Variants in MYO7A observed in about 807,000 individuals in gnomAD.
The protein encoded by MYO7A is unconventional myosin-VIIa.
MYO7A carries 210 observed loss-of-function variants against 263.8 expected under a neutral mutation model. That is an observed-to-expected ratio of 0.80 (90% CI 0.71 to 0.89). MYO7A has a LOEUF of 0.89. Among genes scored for constraint, MYO7A ranks in the 40% least tolerant of loss-of-function variants. The pLI is 0.00. For missense variants in MYO7A, 2,820 were observed against 2,968.3 expected, an observed-to-expected ratio of 0.95 and a Z score of 1.16; for synonymous variants, 1,239 against 1,197.3, an observed-to-expected ratio of 1.03 and a Z score of -0.72.
intron 27 of MYO7A, among the ~76,000 whole-genome samples, chr11:77,187,770 G>A (rs1248837996): frequency 6.6e-6 from 1 of 152,224 alleles, no homozygotes; most frequent in Non-Finnish European, 1.5e-5. Flanking sequence ...CTGATGCCAT[G>A]AATGTGTGCA....
rs377567056 is a variant in MYO7A, at chr11:77,147,781, G to A, written c.133-17G>A. On this transcript the variant is annotated splice_polypyrimidine_tract_variant and intron_variant, in intron 3 of 48. Transcript: ENST00000409709. ...CTGGGCCCCAGGAGAGCACGCTGAC[G>A]TTCTGGCTCCCCGCAGGAACACTGG... is the stretch of plus-strand genomic sequence containing the variant. 349 of 1,607,214 alleles carry A rather than the reference G, an allele frequency of 2.2e-4. No individual in the cohort carries two copies. The African/African-American group carries it at 3.8e-3, about 18-fold the overall frequency.
In MYO7A at chr11:77,183,061, C is replaced by T. The variant is rs1210385374; in HGVS notation, c.3286-7C>T. 4 of 1,550,524 alleles carry T rather than the reference C, an allele frequency of 2.6e-6. No homozygotes were observed. In the African/African-American group the frequency reaches 5.5e-5, roughly 21 times the overall value. ...CCACTTGACCCTGATCCCTGCTGGT[C>T]CTGCAGGCCCAGCTCCCCGAGGGCC... On this transcript the variant is annotated splice_region_variant and splice_polypyrimidine_tract_variant and intron_variant, in intron 25 of 48. Coordinates refer to ENST00000409709, the MANE Select transcript of MYO7A (RefSeq NM_000260.4).
rs727504594 is a variant in MYO7A at position 77,194,372 on chromosome 11, C to G, written c.4171C>G (p.Leu1391Val). Residue 1391 changes from leucine (L) to valine (V), a missense_variant, in exon 32 of 49, where the codon CTG (leucine) becomes GTG (valine). Coordinates refer to ENST00000409709, the MANE Select transcript of MYO7A (RefSeq NM_000260.4). ...RCEKEDDLAE[L>V]ASQQYFVDYG... ...CACCTAGGAGGACGACCTGGCTGAG[C>G]TGGCCTCCCAGCAGTACTTTGTAGA... 6.2e-7 allele frequency: 1 copy of G among 1,612,364 alleles called. No individual in the cohort carries two copies. The highest frequency in any genetic ancestry group is 8.5e-7 in the Non-Finnish European group (1 of 1,179,218).
chr11:77,162,370 C>T (rs548064226), intron 13 of MYO7A, 40 bp downstream of exon 13: 43 of 1,526,360 alleles, frequency 2.8e-5, no homozygotes, highest in African/African-American at 2.8e-5. Flanking sequence ...GTCTTGGGTG[C>T]GCACAGCTTC....
chr11:77,166,662 C>T (rs1555072770), intron 15 of MYO7A, among the ~76,000 whole-genome samples: 1 of 152,138 alleles, frequency 6.6e-6, no homozygotes, highest in Admixed American at 6.5e-5. Flanking sequence ...GGGTTGCATG[C>T]CTTTTTATTT....
chr11:77,203,411 G>A (rs901085747), intron 38 of MYO7A, among the ~76,000 whole-genome samples, 194 bp downstream of exon 38: 1 of 152,198 alleles, frequency 6.6e-6, no homozygotes, highest in Admixed American at 6.5e-5. Flanking sequence ...CTGTCATTTG[G>A]GTGCCAGGTG....
At chr11:77,163,392 G>A (rs577005497) in intron 14 of MYO7A, among the ~76,000 whole-genome samples, 3 of 152,042 alleles carry the variant, frequency 2.0e-5, no homozygotes, top group Admixed American at 1.3e-4. Context: ...AGAATGTGTC[G>A]TTAGGCAATT....
intron 27 of MYO7A, among the ~76,000 whole-genome samples, chr11:77,186,848 C>T (rs566397888): frequency 6.6e-6 from 1 of 152,352 alleles, no homozygotes; most frequent in African/African-American, 2.4e-5. Context: ...ACAAGAGGCC[C>T]AGCTTTTGGT....
rs1952419610 is a variant in MYO7A, at chr11:77,155,930, G to A, written c.309G>A (p.Val103=). Residue 103 remains valine (V), a synonymous_variant, in exon 5 of 49, where the codon GTG becomes GTA. Coordinates refer to ENST00000409709, the MANE Select transcript of MYO7A (RefSeq NM_000260.4). ...LIYTYTGSIL[V]AVNPYQLLSI... is the part of the protein sequence containing the mutation. The stretch of plus-strand genomic sequence containing the variant: ...AGACGTATACGGGCTCCATCCTGGT[G>A]GCTGTGAACCCCTACCAGCTGCTCT... The A allele has an allele frequency of 1.9e-6, 3 of 1,608,406 alleles. No homozygotes were observed. Among genetic ancestry groups the A allele is most frequent in the Non-Finnish European group, 2.5e-6 (3 of 1,176,832 alleles).
At chr11:77,190,213 G>A in intron 29 of MYO7A, 74 bp downstream of exon 29, 3 of 1,330,430 alleles carry the variant, frequency 2.3e-6, no homozygotes, top group Non-Finnish European at 3.0e-6. Context: ...TGTGTGTCCA[G>A]TGCACTCGAG....
At chr11:77,152,937 G>C (rs1396836089) in intron 4 of MYO7A, among the ~76,000 whole-genome samples, 3 of 152,168 alleles carry the variant, frequency 2.0e-5, no homozygotes, top group African/African-American at 7.2e-5. Context: ...TTAACTGAAA[G>C]TTTCATATGA....
In MYO7A at chr11:77,192,981, T is replaced by C. The variant is rs1565442826; in HGVS notation, c.4152+703T>C. 5.4e-4 allele frequency among the ~76,000 whole-genome samples: 56 copies of C among 103,194 alleles called. 13 individuals carry two copies. Among genetic ancestry groups the C allele is most frequent in the African/African-American group, 1.2e-3 (23 of 19,252 alleles). 67.7% of individuals were successfully genotyped at this position (103,194 alleles called of 152,430 possible). ...GTGTTGGTGATGGTGGAGGTAGTTG[T>C]GATGGTGGAGGTAGTGATGCTGTTG... On this transcript the variant is annotated intron_variant, in intron 31 of 48. Transcript: ENST00000409709.
chr11:77,208,961 C>A, intron 44 of MYO7A, 158 bp downstream of exon 44: 1 of 627,028 alleles, frequency 1.6e-6, no homozygotes. Flanking sequence ...CAAGGGATGG[C>A]CCAACCCCTG....
At position 77,157,353 on chromosome 11, in the gene MYO7A, G is replaced by T. The variant is rs782230333; in HGVS notation, c.810G>T (p.Leu270=). 5.6e-6 allele frequency: 9 copies of T among 1,611,766 alleles called. No homozygotes were observed. The highest frequency in any genetic ancestry group is 7.6e-6 in the Non-Finnish European group (9 of 1,179,034). ...TGAGTGAGGATCAGAAGAAGAAGCT[G>T]GGCTTGGGCCAGGCCTCTGACTACA... ...EGMSEDQKKK[L]GLGQASDYNY... is the part of the protein sequence containing the mutation. Residue 270 remains leucine (L), a synonymous_variant, in exon 8 of 49, where the codon CTG becomes CTT. Coordinates refer to ENST00000409709, the MANE Select transcript of MYO7A (RefSeq NM_000260.4).
chr11:77,149,949 G>A (rs1412832415), intron 4 of MYO7A, among the ~76,000 whole-genome samples: 1 of 152,160 alleles, frequency 6.6e-6, no homozygotes, highest in Non-Finnish European at 1.5e-5. Flanking sequence ...CCACACCCCA[G>A]TTCTTGGCAG....
intron 29 of MYO7A, 29 bp from the exon 30 acceptor site, chr11:77,190,668 C>A: frequency 1.3e-6 from 2 of 1,565,752 alleles, no homozygotes; most frequent in Non-Finnish European, 1.7e-6. Flanking sequence ...AGGGAAGGGA[C>A]CCCACAAACC....
chr11:77,181,920 G>T, intron 23 of MYO7A, 31 bp from the exon 24 acceptor site: 2 of 1,604,432 alleles, frequency 1.2e-6, no homozygotes, highest in South Asian at 1.1e-5. Context: ...GAGTAGCTGG[G>T]ACTCCAGGGC....
chr11:77,148,497 G>T (rs1182554138), intron 4 of MYO7A, among the ~76,000 whole-genome samples: 3 of 152,142 alleles, frequency 2.0e-5, no homozygotes, highest in Non-Finnish European at 4.4e-5. Context: ...GACAAATAAA[G>T]ATGTCTGCCC....
chr11:77,160,772 G>A (rs1555067976), intron 11 of MYO7A, among the ~76,000 whole-genome samples: 2 of 152,116 alleles, frequency 1.3e-5, no homozygotes, highest in African/African-American at 4.8e-5. Context: ...TCTCAACAGA[G>A]CCTTGAAAAA....
Sources: allele counts gnomAD v4.1 joint callset (sites outside exome capture counted in the v4.1 genomes callset), GRCh38; gene constraint gnomAD v4.1.1; transcripts MANE v1.5; gene names NCBI Gene and HGNC (gene_info 2026-07-23, HGNC 2026-07-21).